TPRG1: variants seen among roughly 807,000 people sequenced by gnomAD.
The protein encoded by TPRG1 is tumor protein p63 regulated 1.
TPRG1 carries 29 observed loss-of-function variants against 29.3 expected under a neutral mutation model. The observed-to-expected ratio is 0.99, with a 90% CI of 0.74 to 1.35. TPRG1 has a LOEUF of 1.35. TPRG1 is among the 40% of genes most tolerant of loss of function. The pLI is 0.00. For synonymous variants in TPRG1, 130 were observed against 116.8 expected, an observed-to-expected ratio of 1.11 and a Z score of -0.73; for missense variants, 327 against 335.0, an observed-to-expected ratio of 0.98 and a Z score of 0.19.
intron 2 of TPRG1, among the ~76,000 whole-genome samples, chr3:189,127,599 A>C (rs538329894): frequency 7.2e-5 from 11 of 152,316 alleles, no homozygotes; most frequent in African/African-American, 2.6e-4. Context: ...AAAATAAGAG[A>C]TATCAATACA....
intron 4 of TPRG1, among the ~76,000 whole-genome samples, chr3:189,062,213 G>A (rs574609648): frequency 2.1e-4 from 32 of 152,112 alleles, no homozygotes; most frequent in African/African-American, 7.2e-4. Context: ...ACGTGTTCTC[G>A]CTTGTAAGTA....
chr3:189,187,001 T>C (rs1011638284), intron 1 of TPRG1, among the ~76,000 whole-genome samples: 1 of 147,078 alleles, frequency 6.8e-6, no homozygotes, highest in East Asian at 2.0e-4. Context: ...TTTTTTTTTT[T>C]TTTTTGAGAT....
Position 189,294,412 on chromosome 3 carries a change from G to A in TPRG1, c.480-15974G>A, listed in dbSNP as rs543343357. On this transcript the variant is annotated intron_variant, in intron 4 of 5. Coordinates refer to ENST00000345063, the MANE Select transcript of TPRG1 (RefSeq NM_198485.4). ...ATATATAATGGATTAATTTGTGCTC[G>A]GGGCCCACTTTGCTTGTTGAGTGAA... 7.9e-5 allele frequency among the ~76,000 whole-genome samples: 12 copies of A among 152,190 alleles called. 1 individual carries two copies. Among genetic ancestry groups the A allele is most frequent in the African/African-American group, 1.4e-4 (6 of 41,508 alleles).
At chr3:189,264,536 T>C (rs929854895) in intron 4 of TPRG1, among the ~76,000 whole-genome samples, 1 of 151,528 alleles carries the variant, frequency 6.6e-6, no homozygotes, top group Non-Finnish European at 1.5e-5. Flanking sequence ...TATTTCTTTT[T>C]TTTTCATATC....
intron 3 of TPRG1, among the ~76,000 whole-genome samples, chr3:189,234,962 A>G (rs1739226390): frequency 6.6e-6 from 1 of 152,144 alleles, no homozygotes; most frequent in Non-Finnish European, 1.5e-5. Flanking sequence ...GTGGAGATTC[A>G]TGAACAACAT....
In TPRG1 at chr3:189,086,684, C is replaced by T. The variant is rs995594267; in HGVS notation, c.-462-40373C>T. Among the ~76,000 whole-genome samples, 16 of 152,214 alleles carry T rather than the reference C, an allele frequency of 1.1e-4. No individual in the cohort carries two copies. In the South Asian group the frequency reaches 2.1e-3, roughly 20 times the overall value. ...CTGGGATTACAGGCATGTGCCACCA[C>T]GCCCAGCTAATTTTTTGTATTTTTA... On this transcript the variant is annotated intron_variant, in intron 4 of 10. Coordinates refer to the TPRG1 transcript ENST00000433971.
At chr3:189,090,360 G>A (rs185435180) in intron 4 of TPRG1, among the ~76,000 whole-genome samples, 183 of 152,132 alleles carry the variant, frequency 1.2e-3, no homozygotes, top group Middle Eastern at 3.4e-3. Context: ...TGATCTATAC[G>A]TAATTTTTGC....
At chr3:189,023,102 C>A (rs1415627004) in intron 3 of TPRG1, among the ~76,000 whole-genome samples, 1 of 152,250 alleles carries the variant, frequency 6.6e-6, no homozygotes, top group Non-Finnish European at 1.5e-5. Flanking sequence ...ATGGTGCGCG[C>A]ACCCACTGAC....
At chr3:189,156,796 T>C (rs936985348) in intron 5 of TPRG1, among the ~76,000 whole-genome samples, 3 of 152,210 alleles carry the variant, frequency 2.0e-5, no homozygotes, top group Non-Finnish European at 4.4e-5. Context: ...AAATTAGACA[T>C]ATATTTCTTA....
chr3:189,273,918 A>G (rs1372700398), intron 4 of TPRG1, among the ~76,000 whole-genome samples: 2 of 152,192 alleles, frequency 1.3e-5, no homozygotes, highest in Non-Finnish European at 2.9e-5. Context: ...AGTTGCCCCC[A>G]GGTATGTTGC....
chr3:189,186,877 A>G (rs1303158389), intron 1 of TPRG1, among the ~76,000 whole-genome samples: 4 of 152,074 alleles, frequency 2.6e-5, no homozygotes, highest in African/African-American at 9.7e-5. Flanking sequence ...TTCTGCTCAC[A>G]ATTGTTCAGA....
chr3:189,116,909 G>A (rs560672835), intron 1 of TPRG1, among the ~76,000 whole-genome samples: 1 of 151,942 alleles, frequency 6.6e-6, no homozygotes, highest in South Asian at 2.1e-4. Flanking sequence ...ACCTAAAAGT[G>A]GTAAAGATGG....
chr3:189,237,695 G>C (rs1306147127), intron 3 of TPRG1, among the ~76,000 whole-genome samples: 1 of 152,110 alleles, frequency 6.6e-6, no homozygotes, highest in East Asian at 1.9e-4. Flanking sequence ...AAGTGAACAA[G>C]GAGTGACATC....
intron 3 of TPRG1, among the ~76,000 whole-genome samples, chr3:189,228,384 C>T (rs1281366734): frequency 6.6e-6 from 1 of 151,562 alleles, no homozygotes. Flanking sequence ...GCAAATATAA[C>T]ACAGTATTAA....
Position 189,238,760 on chromosome 3 carries a change from G to T in TPRG1, c.330G>T (p.Glu110Asp). 1 of 1,613,040 alleles carries T rather than the reference G, an allele frequency of 6.2e-7. No homozygotes were observed. Among genetic ancestry groups the T allele is most frequent in the Non-Finnish European group, 8.5e-7 (1 of 1,179,344 alleles). ...TAGACCACTGGAACAATGAGAAGGA[G>T]AGAATTCTACTGGTCACAGACAAGA... ...TKIDHWNNEK[E>D]RILLVTDKTL... The change falls in exon 4 of 6, where the codon GAG (glutamate) becomes GAT (aspartate). Residue 110 changes from glutamate to aspartate, a missense_variant. Transcript: ENST00000345063.
intron 4 of TPRG1, among the ~76,000 whole-genome samples, chr3:189,077,340 A>G (rs1315604830): frequency 6.6e-6 from 1 of 152,174 alleles, no homozygotes; most frequent in Admixed American, 6.5e-5. Context: ...GAATGAAGCC[A>G]GATTCAACAA....
At chr3:189,165,386 A>T (rs1728028765) in intron 5 of TPRG1, among the ~76,000 whole-genome samples, 1 of 113,428 alleles carries the variant, frequency 8.8e-6, no homozygotes, top group Non-Finnish European at 2.0e-5. Context: ...AGTTTTCTAA[A>T]TGACTGTCAC....
intron 3 of TPRG1, among the ~76,000 whole-genome samples, chr3:189,225,810 C>A (rs1439402471): frequency 6.6e-6 from 1 of 152,142 alleles, no homozygotes; most frequent in Non-Finnish European, 1.5e-5. Context: ...GTAGACAGAA[C>A]TTTACAGTCC....
At chr3:189,204,871 AG>A (rs544313706) in intron 1 of TPRG1, among the ~76,000 whole-genome samples, 100 of 152,186 alleles carry the variant, frequency 6.6e-4, no homozygotes, top group Admixed American at 1.0e-3. Context: ...TGTAGCTGCC[AG>A]GGACAGGAAG....
Sources: gnomAD v4.1 joint callset for allele counts (sites outside exome capture counted in the v4.1 genomes callset) on GRCh38, gnomAD v4.1.1 for gene constraint, MANE v1.5 for transcripts, NCBI Gene and HGNC (gene_info 2026-07-23, HGNC 2026-07-21) for gene names.